The following PTPRN2 variants were observed in gnomAD, a reference collection of about 807,000 sequenced individuals.
PTPRN2 encodes receptor-type tyrosine-protein phosphatase N2.
In PTPRN2, 74 loss-of-function variants were observed where a neutral mutation model predicts 118.8. The observed-to-expected ratio is 0.62, with a 90% CI of 0.52 to 0.76. The LOEUF (loss-of-function observed/expected upper bound fraction) is 0.76. Among genes scored for constraint, PTPRN2 ranks in the 30% least tolerant of loss-of-function variants. The pLI is 0.00. For synonymous variants in PTPRN2, 641 were observed against 608.0 expected (o/e 1.05, Z -0.80); for missense variants, 1,481 against 1,394.4 (o/e 1.06, Z -0.99).
At chr7:158,530,575 A>G (rs1218580617) in intron 1 of PTPRN2, among the ~76,000 whole-genome samples, 1 of 152,172 alleles carries the variant, frequency 6.6e-6, no homozygotes, top group Non-Finnish European at 1.5e-5. Context: ...GGTGAAGAGA[A>G]AGCCCACGAT....
At chr7:158,211,605 G>C (rs62479634) in intron 3 of PTPRN2, among the ~76,000 whole-genome samples, 1 of 152,096 alleles carries the variant, frequency 6.6e-6, no homozygotes, top group African/African-American at 2.4e-5. Context: ...GCAAACAGGC[G>C]TATGAAAAGG....
chr7:157,869,297 C>T lies in PTPRN2; in HGVS notation c.1788+29376G>A, dbSNP rs1401000410. On this transcript the variant is annotated intron_variant, in intron 12 of 22. Coordinates refer to ENST00000389418, the MANE Select transcript of PTPRN2 (RefSeq NM_002847.5). This position sits in a 1 kb window ranked among gnomAD's most constrained non-coding sequence, Gnocchi z 4.2. ...GGACTCCAGGCCGCTCACTTATCCC[C>T]ATGCATATAAAATTCCTAGGGATAA... The T allele has an allele frequency of 6.6e-6, 1 of 152,122 alleles. No individual in the cohort carries two copies. Among genetic ancestry groups the T allele is most frequent in the Non-Finnish European group, 1.5e-5 (1 of 68,026 alleles). 9.4% of individuals were successfully genotyped at this position (152,122 alleles called of 1,614,324 possible).
intron 2 of PTPRN2, among the ~76,000 whole-genome samples, chr7:158,383,528 C>A (rs1418213322): frequency 6.6e-6 from 1 of 152,174 alleles, no homozygotes; most frequent in Non-Finnish European, 1.5e-5. Context: ...TTATTAATTA[C>A]ATGGAACCAA....
At chr7:158,269,837 T>C (rs543757415) in intron 3 of PTPRN2, among the ~76,000 whole-genome samples, 1 of 139,008 alleles carries the variant, frequency 7.2e-6, no homozygotes, top group East Asian at 2.1e-4. Flanking sequence ...GACAGAGGGA[T>C]AGGGAGTCGG....
At chr7:158,132,529 C>A (rs1482873284) in intron 9 of PTPRN2, among the ~76,000 whole-genome samples, 1 of 140,088 alleles carries the variant, frequency 7.1e-6, no homozygotes, top group Non-Finnish European at 1.6e-5. Context: ...ACCCAACGTA[C>A]ACTCATATAC....
At chr7:157,625,753 A>G (rs1350002874) in intron 14 of PTPRN2, among the ~76,000 whole-genome samples, 1 of 152,236 alleles carries the variant, frequency 6.6e-6, no homozygotes, top group Non-Finnish European at 1.5e-5. Flanking sequence ...TAGCTCAGAA[A>G]AAAAACCTTG....
At chr7:157,693,455 G>A (rs1163150561) in intron 12 of PTPRN2, among the ~76,000 whole-genome samples, 2 of 152,130 alleles carry the variant, frequency 1.3e-5, no homozygotes, top group South Asian at 2.1e-4. Flanking sequence ...CGCAGGCCCC[G>A]GGATCGGCCG....
chr7:158,542,643 G>A (rs1826055592), intron 1 of PTPRN2, among the ~76,000 whole-genome samples: 1 of 152,218 alleles, frequency 6.6e-6, no homozygotes, highest in South Asian at 2.1e-4. Context: ...CCAAGCAAGT[G>A]AGCTCCCTCT....
chr7:158,262,345 TCACA>T (rs767643390), intron 3 of PTPRN2, among the ~76,000 whole-genome samples: 5 of 108,042 alleles, frequency 4.6e-5, no homozygotes, highest in African/African-American at 1.2e-4. Flanking sequence ...GCACACATAT[TCACA>T]CACACTGCAA....
chr7:157,977,936 C>T lies in PTPRN2; in HGVS notation c.1724-79199G>A, dbSNP rs1324673110. ...TGTGTCTGTGGGCCGGCAGGACTCACCGCCGCAGGCAGCAGGCTCAGGCAC... is the reference window on the plus strand; with the variant it reads ...TGTGTCTGTGGGCCGGCAGGACTCATCGCCGCAGGCAGCAGGCTCAGGCAC... On this transcript the variant is annotated intron_variant, in intron 11 of 22. Coordinates refer to ENST00000389418, the MANE Select transcript of PTPRN2 (RefSeq NM_002847.5). This position sits in a 1 kb window ranked among gnomAD's most constrained non-coding sequence, Gnocchi z 4.6. Among the ~76,000 whole-genome samples, 1 of 151,840 alleles carries T rather than the reference C, an allele frequency of 6.6e-6. No individual in the cohort carries two copies. Among genetic ancestry groups the T allele is most frequent in the Non-Finnish European group, 1.5e-5 (1 of 67,926 alleles).
chr7:158,419,058 A>G (rs901399388), intron 2 of PTPRN2, among the ~76,000 whole-genome samples: 3 of 152,210 alleles, frequency 2.0e-5, no homozygotes, highest in African/African-American at 4.8e-5. Context: ...TCACCATGCA[A>G]TGAGGTACAA....
At chr7:158,313,484 T>G (rs1049730817) in intron 3 of PTPRN2, among the ~76,000 whole-genome samples, 1 of 152,188 alleles carries the variant, frequency 6.6e-6, no homozygotes, top group African/African-American at 2.4e-5. Flanking sequence ...CATGGGCAGT[T>G]CTGATACACC....
intron 14 of PTPRN2, among the ~76,000 whole-genome samples, chr7:157,655,689 C>T (rs1379446498): frequency 1.3e-5 from 2 of 152,210 alleles, no homozygotes; most frequent in Non-Finnish European, 2.9e-5. Context: ...ACCAGGACGA[C>T]GCCTACGGCC....
intron 12 of PTPRN2, among the ~76,000 whole-genome samples, chr7:157,885,601 G>A (rs1290585398): frequency 6.6e-6 from 1 of 152,188 alleles, no homozygotes; most frequent in Non-Finnish European, 1.5e-5. Flanking sequence ...GTCCCTAGCT[G>A]GACAATTCCA....
At chr7:158,337,521 TAA>T (rs1805893742) in intron 2 of PTPRN2, among the ~76,000 whole-genome samples, 1 of 151,016 alleles carries the variant, frequency 6.6e-6, no homozygotes, top group Non-Finnish European at 1.5e-5. Flanking sequence ...ACTCTCACCA[TAA>T]GAGGTGACAC....
At chr7:157,561,869 G>A (rs139098343) in intron 21 of PTPRN2, among the ~76,000 whole-genome samples, 176 of 152,354 alleles carry the variant, frequency 1.2e-3, no homozygotes, top group Admixed American at 2.0e-3. Flanking sequence ...CACAACCCAC[G>A]CCTGGCAGGC....
At chr7:158,429,517 C>A (rs1216218377) in intron 2 of PTPRN2, among the ~76,000 whole-genome samples, 1 of 152,230 alleles carries the variant, frequency 6.6e-6, no homozygotes, top group Non-Finnish European at 1.5e-5. Context: ...TCCACAAACC[C>A]TTAGACCCGC....
intron 2 of PTPRN2, among the ~76,000 whole-genome samples, chr7:158,402,401 G>C (rs1047943718): frequency 6.6e-6 from 1 of 152,130 alleles, no homozygotes; most frequent in Admixed American, 6.5e-5. Context: ...CGGAGGTGGG[G>C]CTGGCTCATG....
At chr7:158,370,987 T>A (rs1809946619) in intron 2 of PTPRN2, among the ~76,000 whole-genome samples, 2 of 152,206 alleles carry the variant, frequency 1.3e-5, no homozygotes, top group Admixed American at 1.3e-4. Flanking sequence ...AGAGTTTTGG[T>A]AGAGCAGCCC....
Sources: gnomAD v4.1 joint callset for allele counts (sites outside exome capture counted in the v4.1 genomes callset) on GRCh38, gnomAD v4.1.1 for gene constraint, Gnocchi (gnomAD v3.1) non-coding constraint, MANE v1.5 for transcripts, NCBI Gene and HGNC (gene_info 2026-07-23, HGNC 2026-07-21) for gene names.